The following TMEM266 variants were observed in gnomAD, a reference collection of about 807,000 sequenced individuals.
The protein encoded by TMEM266 is transmembrane protein 266.
In TMEM266, 33 loss-of-function variants were observed where a neutral mutation model predicts 50.5. That is an observed-to-expected ratio of 0.65 (90% CI 0.50 to 0.87). TMEM266 has a LOEUF of 0.87. TMEM266 is among the 40% of genes least tolerant of loss of function. TMEM266 has a pLI of 0.00. For missense variants in TMEM266, 655 were observed against 695.1 expected (o/e 0.94, Z 0.65); for synonymous variants, 310 against 292.3 (o/e 1.06, Z -0.62).
intron 1 of TMEM266, among the ~76,000 whole-genome samples, chr15:76,124,570 A>G (rs2037390990): frequency 6.6e-6 from 1 of 152,130 alleles, no homozygotes; most frequent in African/African-American, 2.4e-5. Context: ...AGTCTTAGGC[A>G]GGAGAATTGC....
At chr15:76,202,298 A>C (rs2038761342) in intron 10 of TMEM266, 34 bp downstream of exon 10, 2 of 1,576,030 alleles carry the variant, frequency 1.3e-6, no homozygotes, top group Admixed American at 3.5e-5. Context: ...TACATGTGCC[A>C]CAACCCCAGC....
chr15:76,143,481 T>C lies in TMEM266; in HGVS notation c.227+5586T>C, dbSNP rs192510495. 1.9e-3 allele frequency among the ~76,000 whole-genome samples: 291 copies of C among 152,312 alleles called. 2 individuals are homozygous for C. Among genetic ancestry groups the C allele is most frequent in the African/African-American group, 6.4e-3 (264 of 41,564 alleles). On this transcript the variant is annotated intron_variant, in intron 3 of 10. Transcript: ENST00000388942. ...CTACTCCCTCCCTCTCCAGCCTCCT[T>C]GTGTCTGCTGTTATAACCATGACCT...
chr15:76,192,143 T>C lies in TMEM266; in HGVS notation c.944T>C (p.Leu315Pro). The C allele has an allele frequency of 7.1e-7, 1 of 1,401,596 alleles. No homozygotes were observed. Among genetic ancestry groups the C allele is most frequent in the Non-Finnish European group, 9.3e-7 (1 of 1,080,978 alleles). 86.8% of individuals were successfully genotyped at this position (1,401,596 alleles called of 1,614,324 possible). A position where few individuals can be genotyped will look rare whatever the true frequency, so the allele number is the denominator to read the frequency against. ...GCGGCCGAGAGCGTCGTGGAGGAGC[T>C]GCAGCCCTCGCAAGGTAAGCCCGGG... is the stretch of plus-strand genomic sequence containing the variant. The change falls in exon 9 of 11, where the codon CTG becomes CCG. Residue 315 changes from leucine (L) to proline (P), a missense_variant. Leu to Pro is a moderately conservative substitution (Grantham distance 98, BLOSUM62 -3). Transcript: ENST00000388942.
chr15:76,125,668 C>A (rs1009964396), intron 1 of TMEM266, among the ~76,000 whole-genome samples: 1 of 151,628 alleles, frequency 6.6e-6, no homozygotes, highest in East Asian at 1.9e-4. Context: ...GCCAACATGG[C>A]GAAACCCCAT....
rs1726263843 is a variant in TMEM266, at chr15:76,168,181, C to G, written c.457-1635C>G. On this transcript the variant is annotated intron_variant, in intron 5 of 10. Coordinates refer to ENST00000388942, the MANE Select transcript of TMEM266 (RefSeq NM_152335.3). This position sits in a 1 kb window ranked among gnomAD's most constrained non-coding sequence, Gnocchi z 4.4. ...ATCTCTCCCCACCCCTGCAAGCTGT[C>G]TCGCAGTTAAGCGTGGGGCCACCCA... is the stretch of plus-strand genomic sequence containing the variant. Among the ~76,000 whole-genome samples, 1 of 152,118 alleles carries G rather than the reference C, an allele frequency of 6.6e-6. No individual in the cohort carries two copies. Among genetic ancestry groups the G allele is most frequent in the Admixed American group, 6.6e-5 (1 of 15,264 alleles).
chr15:76,089,674 G>A (rs12443370), intron 1 of TMEM266, among the ~76,000 whole-genome samples: 7,867 of 152,202 alleles, frequency 0.052, 277 homozygotes, highest in Non-Finnish European at 0.073. Flanking sequence ...ATGGTCGTGC[G>A]TTTTTTGTTT....
rs2038585654 is a variant in TMEM266 at position 76,192,162 on chromosome 15, G to A, written c.958+5G>A. 2.9e-6 allele frequency: 4 copies of A among 1,395,428 alleles called. No individual in the cohort carries two copies. The East Asian group carries it at 1.2e-4, about 42-fold the overall frequency. 86.4% of individuals were successfully genotyped at this position (1,395,428 alleles called of 1,614,324 possible). A position where few individuals can be genotyped will look rare whatever the true frequency, so the allele number is the denominator to read the frequency against. On this transcript the variant is annotated splice_donor_5th_base_variant and intron_variant, in intron 9 of 10. Coordinates refer to ENST00000388942, the MANE Select transcript of TMEM266 (RefSeq NM_152335.3). ...AGGAGCTGCAGCCCTCGCAAGGTAA[G>A]CCCGGGTCTCCACCCGGCCCCAGAG...
At chr15:76,104,035 G>A (rs1285607755) in intron 1 of TMEM266, among the ~76,000 whole-genome samples, 17 of 149,388 alleles carry the variant, frequency 1.1e-4, no homozygotes, top group African/African-American at 4.2e-4. Flanking sequence ...ATGAAACCCC[G>A]TCTCTACTAA....
chr15:76,171,988 A>C (rs1050279703), intron 7 of TMEM266, among the ~76,000 whole-genome samples: 1 of 152,166 alleles, frequency 6.6e-6, no homozygotes, highest in Non-Finnish European at 1.5e-5. Context: ...GGAAGGGGGA[A>C]GACTCAAGTC....
chr15:76,182,425 A>G (rs1469695194), intron 8 of TMEM266, among the ~76,000 whole-genome samples: 1 of 152,066 alleles, frequency 6.6e-6, no homozygotes, highest in Non-Finnish European at 1.5e-5. Flanking sequence ...TCACGAGGTC[A>G]GGAGGTCGAG....
chr15:76,162,464 G>A (rs1252756707), intron 5 of TMEM266, among the ~76,000 whole-genome samples: 2 of 152,298 alleles, frequency 1.3e-5, no homozygotes, highest in East Asian at 1.9e-4. Flanking sequence ...GGAAACATGC[G>A]ACCATGTCTG....
At chr15:76,157,155 G>A (rs1438941321) in intron 4 of TMEM266, among the ~76,000 whole-genome samples, 2 of 152,172 alleles carry the variant, frequency 1.3e-5, no homozygotes, top group African/African-American at 4.8e-5. Context: ...TCAGCTTGTA[G>A]TAACTAATTA....
intron 1 of TMEM266, among the ~76,000 whole-genome samples, chr15:76,118,328 G>A (rs1235958996): frequency 1.3e-5 from 2 of 152,198 alleles, no homozygotes; most frequent in African/African-American, 2.4e-5. Context: ...TTGGGAAGCC[G>A]AGGCAGGTGG....
At chr15:76,104,645 C>T (rs2133097) in intron 1 of TMEM266, among the ~76,000 whole-genome samples, 43,173 of 151,620 alleles carry the variant, frequency 0.28, 6,468 homozygotes, top group African/African-American at 0.35. Flanking sequence ...GAGGCTGTGA[C>T]GGGGGAGCAT....
chr15:76,067,228 A>G (rs566974557), intron 1 of TMEM266, among the ~76,000 whole-genome samples: 34 of 152,232 alleles, frequency 2.2e-4, no homozygotes, highest in Non-Finnish European at 4.0e-4. Flanking sequence ...TTTAGACTCT[A>G]TAAGCAGTTG....
At chr15:76,165,632 A>G (rs141393090) in intron 5 of TMEM266, among the ~76,000 whole-genome samples, 1,538 of 152,104 alleles carry the variant, frequency 0.01, 29 homozygotes, top group African/African-American at 0.035. Context: ...GGCTGGGGCT[A>G]TGGCTGGGGG....
chr15:76,202,774 C>G (rs1367594139), intron 10 of TMEM266, among the ~76,000 whole-genome samples: 1 of 152,144 alleles, frequency 6.6e-6, no homozygotes, highest in African/African-American at 2.4e-5. Flanking sequence ...TCTCGTTTCT[C>G]CATAGCCCCC....
At chr15:76,166,158 G>A (rs2038093502) in intron 5 of TMEM266, among the ~76,000 whole-genome samples, 1 of 152,142 alleles carries the variant, frequency 6.6e-6, no homozygotes, top group Admixed American at 6.5e-5. Flanking sequence ...GTGCGGGGCA[G>A]GGCAGTGAGG....
chr15:76,193,840 C>T (rs1192226640), intron 9 of TMEM266, among the ~76,000 whole-genome samples: 1 of 152,224 alleles, frequency 6.6e-6, no homozygotes, highest in Non-Finnish European at 1.5e-5. Flanking sequence ...TGTTTCTCCT[C>T]CAGGGACCAT....
Sources: gnomAD v4.1 joint callset for allele counts (sites outside exome capture counted in the v4.1 genomes callset) on GRCh38, gnomAD v4.1.1 for gene constraint, Gnocchi (gnomAD v3.1) non-coding constraint, MANE v1.5 for transcripts, NCBI Gene and HGNC (gene_info 2026-07-23, HGNC 2026-07-21) for gene names.